Variants in RUFY4 observed in about 807,000 individuals in gnomAD.
RUFY4 encodes the protein RUN and FYVE domain-containing protein 4.
RUFY4 carries 73 observed loss-of-function variants against 69.0 expected under a neutral mutation model. The observed-to-expected ratio is 1.06, with a 90% CI of 0.88 to 1.29. The LOEUF (loss-of-function observed/expected upper bound fraction) is 1.29, where lower values mean the gene tolerates loss of function less well. RUFY4 is among the 50% of genes most tolerant of loss of function. The pLI, the probability that RUFY4 is intolerant of heterozygous loss-of-function variation, is 0.00. For missense variants in RUFY4, 770 were observed against 705.6 expected, an observed-to-expected ratio of 1.09 and a Z score of -1.03; for synonymous variants, 287 against 271.8, an observed-to-expected ratio of 1.06 and a Z score of -0.55.
chr2:218,042,523 A>C (rs78149597), intron 2 of RUFY4, among the ~76,000 whole-genome samples: 1,790 of 152,316 alleles, frequency 0.012, 37 homozygotes, highest in African/African-American at 0.041. Flanking sequence ...ATTTGAGTTT[A>C]AAGCATCTTC....
intron 2 of RUFY4, among the ~76,000 whole-genome samples, chr2:218,052,269 C>T (rs1435260968): frequency 2.6e-5 from 4 of 152,198 alleles, no homozygotes; most frequent in African/African-American, 4.8e-5. Flanking sequence ...AGGAGGACAA[C>T]GTGTCCTCCA....
intron 2 of RUFY4, among the ~76,000 whole-genome samples, chr2:218,071,101 A>AC (rs1475928342): frequency 2.0e-5 from 3 of 152,192 alleles, no homozygotes; most frequent in African/African-American, 4.8e-5. Flanking sequence ...CCTGGGGGCA[A>AC]CCCCCACTGC....
intron 2 of RUFY4, among the ~76,000 whole-genome samples, chr2:218,071,097 G>A (rs886460765): frequency 9.2e-5 from 14 of 152,160 alleles, no homozygotes; most frequent in African/African-American, 3.4e-4. Flanking sequence ...CAGACCTGGG[G>A]GCAACCCCCA....
In RUFY4 at chr2:218,048,162, C is replaced by T. The variant is rs536966987; in HGVS notation, c.-1157-10433C>T. Among the ~76,000 whole-genome samples the T allele has an allele frequency of 5.3e-5, 8 of 152,214 alleles. No homozygotes were observed. In the East Asian group the frequency reaches 1.5e-3, roughly 29 times the overall value. On this transcript the variant is annotated intron_variant and NMD_transcript_variant, in intron 2 of 13. Coordinates refer to the RUFY4 transcript ENST00000457754. ...TTTTTTGGTCTAAAGTGGTATTTCA[C>T]TGTGGTTTTGATTTGAATTTCTCTA...
chr2:218,075,548 G>T lies in RUFY4; in HGVS notation c.1056G>T (p.Gly352=), dbSNP rs184385692. ...GGCTGCTGATGCCCAGCCCCAGAGG[G>T]GCTGTAGAGGGAGCAGTATCAGGGA... is the stretch of plus-strand genomic sequence containing the variant. The change falls in exon 7 of 11, where the codon GGG becomes GGT. Residue 352 remains glycine (G), a synonymous_variant. Transcript: ENST00000344321. The T allele has an allele frequency of 1.4e-3, 2,092 of 1,536,298 alleles. 3 individuals are homozygous for T. The highest frequency in any genetic ancestry group is 1.6e-3 in the Non-Finnish European group (1,853 of 1,143,998).
chr2:218,071,927 A>T (rs546232197), intron 2 of RUFY4, among the ~76,000 whole-genome samples: 8 of 152,210 alleles, frequency 5.3e-5, no homozygotes, highest in African/African-American at 1.9e-4. Context: ...CTCTCCTCAA[A>T]GAACACACAT....
At chr2:218,080,285 G>A (rs1386777572) in intron 8 of RUFY4, among the ~76,000 whole-genome samples, 1 of 152,232 alleles carries the variant, frequency 6.6e-6, no homozygotes, top group Non-Finnish European at 1.5e-5. Flanking sequence ...CACTCAGGCT[G>A]TGGTGTGGAG....
exon 7 of RUFY4, chr2:218,075,701 G>C: frequency 6.9e-7 from 1 of 1,459,186 alleles, no homozygotes; most frequent in Non-Finnish European, 9.0e-7. Flanking sequence ...TGGCCAGAAG[G>C]GAGGAGCAAG....
chr2:218,047,872 T>C (rs956220599), intron 2 of RUFY4, among the ~76,000 whole-genome samples: 7 of 152,202 alleles, frequency 4.6e-5, no homozygotes, highest in Admixed American at 2.6e-4. Flanking sequence ...TATATGTATA[T>C]TTTCATATTT....
At chr2:218,074,019 C>A in intron 6 of RUFY4, 134 bp downstream of exon 8, 3 of 883,906 alleles carry the variant, frequency 3.4e-6, no homozygotes, top group Non-Finnish European at 5.5e-6. Flanking sequence ...GAGCAAGAGG[C>A]CAGTGTGTGG....
intron 9 of RUFY4, among the ~76,000 whole-genome samples, chr2:218,084,320 G>A (rs1015182550): frequency 2.2e-4 from 34 of 151,510 alleles, no homozygotes; most frequent in East Asian, 1.9e-4. Flanking sequence ...CAACCTCTGC[G>A]TCCCGGATTC....
At chr2:218,052,049 CA>C (rs756462444) in intron 2 of RUFY4, among the ~76,000 whole-genome samples, 1 of 152,176 alleles carries the variant, frequency 6.6e-6, no homozygotes, top group African/African-American at 2.4e-5. Context: ...ATTCATGTCT[CA>C]GGGGTTTGGC....
chr2:218,070,186 C>T, upstream of RUFY4: 2 of 259,278 alleles, frequency 7.7e-6, no homozygotes, highest in South Asian at 4.9e-5. Context: ...AGTCAGGACC[C>T]AGAACACAGG....
upstream of RUFY4, chr2:218,070,438 G>C: frequency 1.5e-6 from 1 of 663,130 alleles, no homozygotes; most frequent in Admixed American, 2.1e-5. Flanking sequence ...GATAGAGCTG[G>C]GATTCTCCCC....
At chr2:218,050,945 T>C (rs528199445) in intron 2 of RUFY4, among the ~76,000 whole-genome samples, 1 of 152,230 alleles carries the variant, frequency 6.6e-6, no homozygotes, top group Non-Finnish European at 1.5e-5. Flanking sequence ...GGAATAAACA[T>C]TTATACATAA....
At chr2:218,072,859 T>A (rs1323853192) in exon 4 of RUFY4, 1 of 1,535,418 alleles carries the variant, frequency 6.5e-7, no homozygotes, top group Non-Finnish European at 8.7e-7. Context: ...CCCTGCAGCT[T>A]TGCCTCCTGA....
chr2:218,069,910 G>A (rs56081320), upstream of RUFY4, among the ~76,000 whole-genome samples: 45,776 of 151,992 alleles, frequency 0.3, 7,191 homozygotes, highest in South Asian at 0.39. Context: ...TCCCCCTGGA[G>A]AGAAAGGCAG....
intron 2 of RUFY4, among the ~76,000 whole-genome samples, chr2:218,047,141 A>T (rs1186840212): frequency 6.6e-6 from 1 of 152,102 alleles, no homozygotes; most frequent in Non-Finnish European, 1.5e-5. Context: ...GAAGTACAAA[A>T]AGTTACCTTG....
chr2:218,055,901 T>C (rs1689050731), intron 2 of RUFY4, among the ~76,000 whole-genome samples: 1 of 152,204 alleles, frequency 6.6e-6, no homozygotes, highest in South Asian at 2.1e-4. Context: ...ACCCCTCTCA[T>C]TGACTACCTT....
Sources: gnomAD v4.1 joint callset for allele counts (sites outside exome capture counted in the v4.1 genomes callset) on GRCh38, gnomAD v4.1.1 for gene constraint, MANE v1.5 for transcripts, NCBI Gene and HGNC (gene_info 2026-07-23, HGNC 2026-07-21) for gene names.